The following ERBB4 variants were observed in gnomAD, a reference collection of about 807,000 sequenced individuals.
ERBB4 encodes receptor tyrosine-protein kinase erbB-4.
A neutral mutation model predicts 158.0 loss-of-function variants in ERBB4; 42 were observed. That is an observed-to-expected ratio of 0.27 (90% confidence interval 0.21 to 0.34). The LOEUF (loss-of-function observed/expected upper bound fraction) is 0.34. ERBB4 is among the 10% of genes least tolerant of loss of function. The probability of loss-of-function intolerance (pLI) is 1.00; values close to 1 mark genes in which losing one functional copy is unlikely to be tolerated. For synonymous variants in ERBB4, 583 were observed against 558.7 expected, an observed-to-expected ratio of 1.04 and a Z score of -0.61; for missense variants, 1,333 against 1,624.1, an observed-to-expected ratio of 0.82 and a Z score of 3.08.
At chr2:211,673,517 CAAA>C (rs71054125) in intron 13 of ERBB4, among the ~76,000 whole-genome samples, 1 of 54,088 alleles carries the variant, frequency 1.8e-5, no homozygotes. Context: ...CCAGCAATCT[CAAA>C]AAAAAAAAAA....
rs962693243 is a variant in ERBB4 at position 212,261,017 on chromosome 2, A to G, written c.83-136114T>C. ...ATGACAGTGGACTCGATCTGGACCC[A>G]GAATGAGAAAACCTGGGTTCTATAA... On this transcript the variant is annotated intron_variant, in intron 1 of 27. Transcript: ENST00000342788. Among the ~76,000 whole-genome samples the G allele has an allele frequency of 2.6e-5, 4 of 152,192 alleles. No homozygotes were observed. The East Asian group carries it at 7.7e-4, about 29-fold the overall frequency.
At chr2:211,927,529 C>T (rs1460057574) in intron 3 of ERBB4, among the ~76,000 whole-genome samples, 2 of 152,038 alleles carry the variant, frequency 1.3e-5, no homozygotes, top group South Asian at 2.1e-4. Context: ...TCATCTGCTG[C>T]CCTATTTATG....
At chr2:212,359,106 A>G (rs1164468280) in intron 1 of ERBB4, among the ~76,000 whole-genome samples, 1 of 151,824 alleles carries the variant, frequency 6.6e-6, no homozygotes, top group Middle Eastern at 3.4e-3. Context: ...CACAACAGAT[A>G]TTGTTCTTAA....
rs562797269 is a variant in ERBB4 at position 211,689,899 on chromosome 2, T to A, written c.1490-10715A>T. 2.2e-4 allele frequency among the ~76,000 whole-genome samples: 33 copies of A among 151,986 alleles called. No individual in the cohort carries two copies. The South Asian group carries it at 5.4e-3, about 25-fold the overall frequency. On this transcript the variant is annotated intron_variant, in intron 12 of 27. Transcript: ENST00000342788. ...AAGTAGAGAATGGTTAAAATTATAC[T>A]GTACGGTGTCACGAGTCTCTCCGTA... is the stretch of plus-strand genomic sequence containing the variant.
chr2:211,814,091 G>A (rs532999382), intron 3 of ERBB4, among the ~76,000 whole-genome samples: 12 of 152,116 alleles, frequency 7.9e-5, no homozygotes, highest in African/African-American at 2.2e-4. Flanking sequence ...TCATGAATAC[G>A]TGAGTAAAAA....
Position 212,538,473 on chromosome 2 carries a change from C to T in ERBB4, c.58G>A (p.Val20Ile), listed in dbSNP as rs373308672. 1.2e-6 allele frequency: 2 copies of T among 1,613,936 alleles called. No homozygotes were observed. The highest frequency in any genetic ancestry group is 1.7e-6 in the Non-Finnish European group (2 of 1,179,844). ...WVSLLVAAGT[V>I]QPSDSQSVCA... The stretch of plus-strand genomic sequence containing the variant: ...CCTGACTGAGAATCGCTGGGCTGGA[C>T]GGTCCCCGCCGCCACGAGAAGGCTC... The change falls in exon 1 of 28, where the codon GTC becomes ATC. Residue 20 changes from valine (V) to isoleucine (I), a missense_variant. By Grantham distance (29) the Val-to-Ile change is conservative. Transcript: ENST00000342788.
At chr2:211,786,948 G>T (rs1212402261) in intron 4 of ERBB4, among the ~76,000 whole-genome samples, 1 of 152,238 alleles carries the variant, frequency 6.6e-6, no homozygotes, top group Non-Finnish European at 1.5e-5. Context: ...ACAAATTTCT[G>T]TTCAAAGGTG....
At chr2:211,828,837 C>A (rs907559493) in intron 3 of ERBB4, among the ~76,000 whole-genome samples, 1 of 152,088 alleles carries the variant, frequency 6.6e-6, no homozygotes, top group Non-Finnish European at 1.5e-5. Flanking sequence ...TTCCTTCCTG[C>A]CAAGCATGCT....
At chr2:212,309,837 C>A (rs1366946037) in intron 1 of ERBB4, among the ~76,000 whole-genome samples, 6 of 150,172 alleles carry the variant, frequency 4.0e-5, no homozygotes. Context: ...TTATTAATGA[C>A]AAGTGACAAA....
rs577838348 is a variant in ERBB4 at position 212,118,373 on chromosome 2, G to A, written c.234+6379C>T. On this transcript the variant is annotated intron_variant, in intron 2 of 27. Transcript: ENST00000342788. ...AATGAAGCCAAAGTCTTTGGCTGCAGTAAGATTGGCAGTGTTTTGCTGTCT... is the reference window on the plus strand; with the variant it reads ...AATGAAGCCAAAGTCTTTGGCTGCAATAAGATTGGCAGTGTTTTGCTGTCT... Among the ~76,000 whole-genome samples, 6 of 152,260 alleles carry A rather than the reference G, an allele frequency of 3.9e-5. No individual in the cohort carries two copies. The South Asian group carries it at 1.2e-3, about 32-fold the overall frequency.
chr2:211,417,012 C>T (rs557351459), intron 25 of ERBB4, among the ~76,000 whole-genome samples: 5 of 152,210 alleles, frequency 3.3e-5, no homozygotes, highest in East Asian at 3.9e-4. Context: ...TAATAGGTAA[C>T]GTGCATGCAT....
rs137964351 is a variant in ERBB4 at position 212,477,599 on chromosome 2, A to G, written c.82+60850T>C. On this transcript the variant is annotated intron_variant, in intron 1 of 27. Transcript: ENST00000342788. ...TGCTGGTGACTTTTAAATGATAAGA[A>G]AACATGTTTTTAAAAGCAATGTTCC... Among the ~76,000 whole-genome samples the G allele has an allele frequency of 6.2e-3, 943 of 152,322 alleles. 9 individuals carry two copies. Among genetic ancestry groups the G allele is most frequent in the Non-Finnish European group, 9.1e-3 (620 of 68,016 alleles).
chr2:212,169,391 A>G (rs1239869302), intron 1 of ERBB4, among the ~76,000 whole-genome samples: 1 of 152,138 alleles, frequency 6.6e-6, no homozygotes, highest in Non-Finnish European at 1.5e-5. Flanking sequence ...GACAAACCTG[A>G]CAAAAACAAG....
At chr2:211,804,069 C>T (rs780131518) in intron 3 of ERBB4, among the ~76,000 whole-genome samples, 5 of 152,120 alleles carry the variant, frequency 3.3e-5, no homozygotes, top group Non-Finnish European at 7.3e-5. Context: ...ACATGTCACC[C>T]CAGAATATCA....
At chr2:212,526,031 CT>C (rs1253538934) in intron 1 of ERBB4, among the ~76,000 whole-genome samples, 5 of 151,734 alleles carry the variant, frequency 3.3e-5, no homozygotes, top group East Asian at 1.9e-4. Context: ...TTTGGTTCTC[CT>C]TTTTTTTCAT....
intron 12 of ERBB4, among the ~76,000 whole-genome samples, chr2:211,685,525 T>C (rs113626357): frequency 0.011 from 1,633 of 152,328 alleles, 29 homozygotes; most frequent in African/African-American, 0.037. Context: ...ATGGCAGCTA[T>C]GTAATAATTC....
chr2:212,347,287 A>G (rs929565358), intron 1 of ERBB4, among the ~76,000 whole-genome samples: 2 of 152,104 alleles, frequency 1.3e-5, no homozygotes, highest in African/African-American at 4.8e-5. Context: ...GATTATAGTT[A>G]TTTCAGAAGT....
chr2:212,062,114 C>G (rs1317728650), intron 2 of ERBB4, among the ~76,000 whole-genome samples: 2 of 152,126 alleles, frequency 1.3e-5, no homozygotes, highest in African/African-American at 2.4e-5. Context: ...TAGATATGCT[C>G]ATTGTGAGTA....
chr2:211,858,391 T>C (rs887266669), intron 3 of ERBB4, among the ~76,000 whole-genome samples: 3 of 152,168 alleles, frequency 2.0e-5, no homozygotes, highest in Admixed American at 6.5e-5. Context: ...ATTCAGTAAA[T>C]TAACTTCCCT....
Sources: gnomAD v4.1 joint callset for allele counts (sites outside exome capture counted in the v4.1 genomes callset) on GRCh38, gnomAD v4.1.1 for gene constraint, MANE v1.5 for transcripts, NCBI Gene and HGNC (gene_info 2026-07-23, HGNC 2026-07-21) for gene names.